MRTFB: variants seen among roughly 807,000 people sequenced by gnomAD.
MRTFB encodes myocardin related transcription factor B.
MRTFB carries 29 observed loss-of-function variants against 104.2 expected under a neutral mutation model. The ratio of observed to expected loss-of-function variants is 0.28; its 90% CI spans 0.21 to 0.38. MRTFB has a LOEUF of 0.38. Among genes scored for constraint, MRTFB ranks in the 10% least tolerant of loss-of-function variants. The pLI, the probability that MRTFB is intolerant of heterozygous loss-of-function variation, is 1.00. For missense variants in MRTFB, 1,270 were observed against 1,341.6 expected (o/e 0.95, Z 0.83); for synonymous variants, 535 against 519.5 (o/e 1.03, Z -0.41).
chr16:14,182,606 C>G (rs189800410), intron 3 of MRTFB, among the ~76,000 whole-genome samples: 36 of 152,284 alleles, frequency 2.4e-4, no homozygotes, highest in Admixed American at 9.2e-4. Flanking sequence ...TTCCTCAGCT[C>G]TGTCTGCAGA....
intron 2 of MRTFB, among the ~76,000 whole-genome samples, chr16:14,090,258 T>G (rs765255924): frequency 6.6e-6 from 1 of 152,254 alleles, no homozygotes; most frequent in Non-Finnish European, 1.5e-5. Context: ...AAAATTAGTT[T>G]ATTAACTATA....
the MRTFB span, among the ~76,000 whole-genome samples, chr16:14,064,197 T>C: frequency 6.6e-6 from 1 of 152,216 alleles, no homozygotes; most frequent in African/African-American, 2.4e-5. Context: ...TATCTCACTG[T>C]GGTTTTGATT....
At chr16:14,256,615 C>T (rs2043505230) in intron 15 of MRTFB, among the ~76,000 whole-genome samples, 1 of 152,216 alleles carries the variant, frequency 6.6e-6, no homozygotes, top group African/African-American at 2.4e-5. Context: ...CCATCAATGG[C>T]CAGCACTAAC....
chr16:14,024,657 A>G, the MRTFB span, among the ~76,000 whole-genome samples: 1 of 152,352 alleles, frequency 6.6e-6, no homozygotes, highest in South Asian at 2.1e-4. Flanking sequence ...GGACAACCTA[A>G]ACATTCATCA....
chr16:14,207,513 A>AT (rs1295208878), intron 3 of MRTFB, among the ~76,000 whole-genome samples: 1 of 152,198 alleles, frequency 6.6e-6, no homozygotes, highest in East Asian at 1.9e-4. Flanking sequence ...GTTCTTGACA[A>AT]AGAGCTTCTT....
the MRTFB span, among the ~76,000 whole-genome samples, chr16:14,027,276 T>C: frequency 6.6e-6 from 1 of 152,214 alleles, no homozygotes; most frequent in South Asian, 2.1e-4. Context: ...AAAAAGACAC[T>C]GTCAAAGGGC....
At chr16:14,078,874 T>C (rs1192393779) in intron 1 of MRTFB, among the ~76,000 whole-genome samples, 1 of 152,176 alleles carries the variant, frequency 6.6e-6, no homozygotes, top group Non-Finnish European at 1.5e-5. Flanking sequence ...CCAATGTGGA[T>C]TATTTCATAT....
chr16:14,047,917 A>C, the MRTFB span, among the ~76,000 whole-genome samples: 1 of 152,148 alleles, frequency 6.6e-6, no homozygotes, highest in Admixed American at 6.5e-5. Flanking sequence ...CCGTCCCCCA[A>C]AGTCTTAACT....
At chr16:14,239,149 A>G (rs1334697959) in intron 9 of MRTFB, among the ~76,000 whole-genome samples, 1 of 152,114 alleles carries the variant, frequency 6.6e-6, no homozygotes, top group Admixed American at 6.5e-5. Flanking sequence ...TCATTCTTTT[A>G]TACCAGGGAT....
intron 16 of MRTFB, among the ~76,000 whole-genome samples, chr16:14,258,770 T>C (rs1277677383): frequency 6.6e-6 from 1 of 152,222 alleles, no homozygotes; most frequent in Non-Finnish European, 1.5e-5. Context: ...TTATTAAAAT[T>C]CAAAGTCAAT....
At chr16:14,173,979 C>T (rs1474944378) in intron 3 of MRTFB, among the ~76,000 whole-genome samples, 1 of 152,060 alleles carries the variant, frequency 6.6e-6, no homozygotes, top group South Asian at 2.1e-4. Flanking sequence ...TCAAGGTACA[C>T]AATCCTTTTT....
At chr16:14,250,268 T>C (rs1332761316) in intron 13 of MRTFB, among the ~76,000 whole-genome samples, 2 of 152,234 alleles carry the variant, frequency 1.3e-5, no homozygotes, top group Non-Finnish European at 2.9e-5. Flanking sequence ...TATATACACA[T>C]AGACTTTCCT....
chr16:14,008,047 T>A, the MRTFB span, among the ~76,000 whole-genome samples: 1 of 152,278 alleles, frequency 6.6e-6, no homozygotes, highest in Admixed American at 6.5e-5. Flanking sequence ...TTTGACGTCT[T>A]TGAAGCACAA....
intron 10 of MRTFB, among the ~76,000 whole-genome samples, chr16:14,244,211 G>T (rs1296223851): frequency 6.6e-6 from 1 of 152,134 alleles, no homozygotes; most frequent in African/African-American, 2.4e-5. Context: ...ATCTTTGTTG[G>T]TGCTGATAGC....
At chr16:14,163,975 C>T (rs986318488) in intron 3 of MRTFB, among the ~76,000 whole-genome samples, 7 of 152,068 alleles carry the variant, frequency 4.6e-5, no homozygotes, top group South Asian at 2.1e-4. Flanking sequence ...TTTCGTTACA[C>T]GTTGAGAATG....
At chr16:14,209,934 A>G (rs2041121174) in intron 3 of MRTFB, among the ~76,000 whole-genome samples, 1 of 152,230 alleles carries the variant, frequency 6.6e-6, no homozygotes, top group Non-Finnish European at 1.5e-5. Context: ...AGCAAGTCTT[A>G]ATATATAAGC....
At chr16:14,257,808 A>G (rs962461419) in intron 15 of MRTFB, among the ~76,000 whole-genome samples, 9 of 152,210 alleles carry the variant, frequency 5.9e-5, no homozygotes, top group Admixed American at 3.9e-4. Flanking sequence ...ATGAATAAAG[A>G]CACTTTTAAA....
chr16:14,007,162 A>C, the MRTFB span, among the ~76,000 whole-genome samples: 2 of 152,116 alleles, frequency 1.3e-5, no homozygotes, highest in Non-Finnish European at 2.9e-5. Flanking sequence ...ATTTCAGAAC[A>C]CTTTCGTTAC....
chr16:14,255,522 A>G (rs1451805712), intron 15 of MRTFB, among the ~76,000 whole-genome samples: 2 of 152,246 alleles, frequency 1.3e-5, no homozygotes, highest in Admixed American at 6.5e-5. Context: ...CCAGAATTCT[A>G]TTATCATGTT....
Sources: gnomAD v4.1 joint callset for allele counts (sites outside exome capture counted in the v4.1 genomes callset) on GRCh38, gnomAD v4.1.1 for gene constraint, MANE v1.5 for transcripts, NCBI Gene and HGNC (gene_info 2026-07-23, HGNC 2026-07-21) for gene names.